LRP1B: variants seen among roughly 807,000 people sequenced by gnomAD.
The protein encoded by LRP1B is LDL receptor related protein 1B, also known as low-density lipoprotein receptor-related protein 1B.
A neutral mutation model predicts 556.6 loss-of-function variants in LRP1B; 217 were observed. That is an observed-to-expected ratio of 0.39 (90% CI 0.35 to 0.44). The LOEUF is 0.44. Among genes scored for constraint, LRP1B ranks in the 20% least tolerant of loss-of-function variants. The pLI is 1.00. For missense variants in LRP1B, 5,053 were observed against 5,620.8 expected (o/e 0.90, Z 3.23); for synonymous variants, 2,047 against 1,865.8 (o/e 1.10, Z -2.50).
chr2:140,285,201 G>T (rs1274697133), intron 84 of LRP1B, among the ~76,000 whole-genome samples: 1 of 149,694 alleles, frequency 6.7e-6, no homozygotes, highest in Admixed American at 6.7e-5. Flanking sequence ...ATCTATATAT[G>T]GATATCTATG....
chr2:141,554,927 T>C (rs2105237053), intron 2 of LRP1B, among the ~76,000 whole-genome samples: 1 of 152,058 alleles, frequency 6.6e-6, no homozygotes, highest in Admixed American at 6.6e-5. Context: ...CTGTGGTGTA[T>C]CAAGTTCTTC....
chr2:140,310,154 A>G (rs924349382), intron 83 of LRP1B, among the ~76,000 whole-genome samples: 7 of 151,754 alleles, frequency 4.6e-5, no homozygotes, highest in African/African-American at 1.7e-4. Flanking sequence ...GCATATATGT[A>G]TGAGACTTAT....
intron 18 of LRP1B, among the ~76,000 whole-genome samples, chr2:140,954,398 T>C (rs1416436059): frequency 1.3e-5 from 2 of 152,092 alleles, no homozygotes; most frequent in Non-Finnish European, 2.9e-5. Context: ...TAACATTACA[T>C]CTTTTTTGAC....
At chr2:141,336,016 G>A (rs989376934) in intron 3 of LRP1B, among the ~76,000 whole-genome samples, 2 of 142,008 alleles carry the variant, frequency 1.4e-5, no homozygotes, top group South Asian at 2.2e-4. Context: ...GTTTAGGCTC[G>A]ATGTTATCTC....
At chr2:141,550,747 C>T (rs1445190432) in intron 2 of LRP1B, among the ~76,000 whole-genome samples, 2 of 151,992 alleles carry the variant, frequency 1.3e-5, no homozygotes, top group African/African-American at 2.4e-5. Flanking sequence ...TAAATAATTG[C>T]TTATACCAGT....
intron 2 of LRP1B, among the ~76,000 whole-genome samples, chr2:141,734,459 AGAGAGAGAGT>A (rs1693391455): frequency 6.6e-6 from 1 of 152,016 alleles, no homozygotes; most frequent in African/African-American, 2.4e-5. Flanking sequence ...GGAGAGATAG[AGAGAGAGAGT>A]GAGAGAGAGA....
In LRP1B at chr2:141,467,067, G is replaced by T. The variant is rs1270213671; in HGVS notation, c.343+13329C>A. 3.0e-5 allele frequency among the ~76,000 whole-genome samples: 4 copies of T among 133,008 alleles called. No homozygotes were observed. The Admixed American group carries it at 3.0e-4, about 10-fold the overall frequency. The allele number at this position is 133,008 out of a possible 152,430, so 87.3% of individuals were successfully genotyped here. On this transcript the variant is annotated intron_variant, in intron 3 of 90. Transcript: ENST00000389484. ...TATGTAGCCCTCACTGGCTCCCCAG[G>T]ATATATATATACACACACACACACA...
chr2:141,286,826 G>C (rs1345132686), intron 3 of LRP1B: 1 of 358,512 alleles, frequency 2.8e-6, no homozygotes. Flanking sequence ...TCCTTTTAAT[G>C]GGCAATGCTG....
chr2:141,126,546 G>A (rs73962443), intron 7 of LRP1B, among the ~76,000 whole-genome samples: 1 of 152,126 alleles, frequency 6.6e-6, no homozygotes, highest in East Asian at 1.9e-4. Flanking sequence ...GAACTTCATT[G>A]AAGTTTTTTT....
intron 29 of LRP1B, among the ~76,000 whole-genome samples, chr2:140,849,198 T>TAGAAAAAA (rs1352302960): frequency 5.9e-5 from 1 of 16,918 alleles, no homozygotes; most frequent in African/African-American, 1.4e-4. Context: ...CTACTAAAAA[T>TAGAAAAAA]ACAAAAAAAA....
intron 77 of LRP1B, among the ~76,000 whole-genome samples, chr2:140,347,991 T>G (rs2105110023): frequency 6.6e-6 from 1 of 152,170 alleles, no homozygotes; most frequent in South Asian, 2.1e-4. Context: ...AGAAAATCAA[T>G]TATTAATACA....
rs1684622103 is a variant in LRP1B, at chr2:141,524,279, TA to T, written c.206-43747del. Among the ~76,000 whole-genome samples the T allele has an allele frequency of 2.0e-5, 3 of 151,472 alleles. 1 individual carries two copies. In the South Asian group the frequency reaches 6.3e-4, roughly 32 times the overall value. Reference sequence around the variant, plus strand: ...TAAGCAAAGAATATATATATATATATAAAACTCAATGCCTAAGAACATGTTA... The same window carrying T: ...TAAGCAAAGAATATATATATATATATAAACTCAATGCCTAAGAACATGTTA... On this transcript the variant is annotated intron_variant, in intron 2 of 90. Transcript: ENST00000389484.
At position 140,883,982 on chromosome 2, in the gene LRP1B, G is replaced by A; in HGVS notation, c.4004C>T (p.Ala1335Val). Residue 1335 changes from alanine to valine, a missense_variant, in exon 25 of 91, where the codon GCT becomes GTT. This residue lies in a region of LRP1B where 3,619 missense variants were observed against 3,931.9 expected (regional missense o/e 0.92). Transcript: ENST00000389484. ...AIEVVVEHGL[A>V]TPEGLTVDWI... ...GTCGACTGTCAGGCCTTCTGGAGTA[G>A]CCAGGCCATGCTCCACAACCACTTC... The A allele has an allele frequency of 6.2e-7, 1 of 1,612,878 alleles. No homozygotes were observed. Among genetic ancestry groups the A allele is most frequent in the East Asian group, 2.2e-5 (1 of 44,842 alleles).
intron 41 of LRP1B, among the ~76,000 whole-genome samples, chr2:140,638,818 T>A (rs116143321): frequency 6.6e-6 from 1 of 150,802 alleles, no homozygotes; most frequent in African/African-American, 2.5e-5. Context: ...TACATGTATA[T>A]ATACAAAATT....
At chr2:141,074,415 T>C (rs1248702263) in intron 7 of LRP1B, among the ~76,000 whole-genome samples, 1 of 151,992 alleles carries the variant, frequency 6.6e-6, no homozygotes, top group Non-Finnish European at 1.5e-5. Flanking sequence ...TTATTTTACT[T>C]GCATAAAATA....
chr2:140,729,936 C>T (rs1294980805), intron 35 of LRP1B, among the ~76,000 whole-genome samples: 1 of 152,090 alleles, frequency 6.6e-6, no homozygotes, highest in Non-Finnish European at 1.5e-5. Flanking sequence ...CCTATCAGAG[C>T]TGCCCTCAAT....
intron 2 of LRP1B, among the ~76,000 whole-genome samples, chr2:141,625,900 A>G (rs1256874963): frequency 6.6e-6 from 1 of 152,158 alleles, no homozygotes; most frequent in Non-Finnish European, 1.5e-5. Context: ...AGATAATTCT[A>G]TATTTAGATT....
intron 41 of LRP1B, among the ~76,000 whole-genome samples, chr2:140,640,700 T>C (rs1296126737): frequency 6.6e-6 from 1 of 152,064 alleles, no homozygotes; most frequent in Non-Finnish European, 1.5e-5. Flanking sequence ...CCTATTTTCT[T>C]TTGCTTCAAA....
At chr2:140,410,148 TC>T (rs1415664754) in intron 66 of LRP1B, among the ~76,000 whole-genome samples, 1 of 152,034 alleles carries the variant, frequency 6.6e-6, no homozygotes, top group Non-Finnish European at 1.5e-5. Context: ...ATATATTTTT[TC>T]ATTATCTGAC....
Sources: allele counts gnomAD v4.1 joint callset (sites outside exome capture counted in the v4.1 genomes callset), GRCh38; gene constraint gnomAD v4.1.1; regional missense constraint gnomAD v4.1.1; transcripts MANE v1.5; gene names NCBI Gene and HGNC (gene_info 2026-07-23, HGNC 2026-07-21).